The following BZW1 variants were observed in gnomAD, a reference collection of about 807,000 sequenced individuals.
BZW1 encodes basic leucine zipper and W2 domains 1, also known as eIF5-mimic protein 2.
BZW1 carries 3 observed loss-of-function variants against 54.1 expected under a neutral mutation model. The ratio of observed to expected loss-of-function variants is 0.06; its 90% CI spans 0.03 to 0.14. The LOEUF (loss-of-function observed/expected upper bound fraction) is 0.14. Among genes scored for constraint, BZW1 ranks in the 10% least tolerant of loss-of-function variants. The pLI, the probability that BZW1 is intolerant of heterozygous loss-of-function variation, is 1.00. For missense variants in BZW1, 206 were observed against 491.7 expected (o/e 0.42, Z 5.50); for synonymous variants, 152 against 162.7 (o/e 0.93, Z 0.50).
At chr2:200,815,276 G>A in intron 2 of BZW1, 65 bp from the exon 3 acceptor site, 2 of 1,450,950 alleles carry the variant, frequency 1.4e-6, no homozygotes, top group South Asian at 1.3e-5. Context: ...TTCATAAGGT[G>A]ATAGTTTTGT....
chr2:200,826,283 ATTAT>A lies in BZW1; in HGVS notation c.*4108_*4111del, dbSNP rs1325856832. ...GCAATTAACAGTCATTTCAAATCTA[ATTAT>A]TTTTATTTTCCAGTGTACTTATCAT... On this transcript the variant is annotated 3_prime_UTR_variant, in exon 12 of 12. Coordinates refer to ENST00000409600, the MANE Select transcript of BZW1 (RefSeq NM_001207067.2). 6.6e-6 allele frequency: 1 copy of A among 151,854 alleles called. No individual in the cohort carries two copies. Among genetic ancestry groups the A allele is most frequent in the African/African-American group, 2.4e-5 (1 of 41,322 alleles). The allele number at this position is 151,854 out of a possible 1,614,324, so 9.4% of individuals were successfully genotyped here. A position where few individuals can be genotyped will look rare whatever the true frequency, so the allele number is the denominator to read the frequency against.
chr2:200,818,731 T>TA, intron 8 of BZW1, 24 bp from the exon 9 acceptor site: 1 of 1,571,258 alleles, frequency 6.4e-7, no homozygotes, highest in Non-Finnish European at 8.6e-7. Flanking sequence ...TGACTTCTGT[T>TA]ACTAAATTTG....
intron 1 of BZW1, chr2:200,812,955 A>G (rs2038143436): frequency 1.5e-6 from 1 of 678,210 alleles, no homozygotes; most frequent in Non-Finnish European, 2.8e-6. Context: ...TCACTGTAGC[A>G]CTACAATGTC....
intron 10 of BZW1, among the ~76,000 whole-genome samples, 162 bp from the exon 11 acceptor site, chr2:200,821,021 G>A (rs1384413886): frequency 2.0e-5 from 3 of 152,248 alleles, no homozygotes; most frequent in Non-Finnish European, 4.4e-5. Context: ...CCCGTTGAGT[G>A]TAGTTGGTAT....
At position 200,827,187 on chromosome 2, in the gene BZW1, C is replaced by T. The variant is rs1331321001; in HGVS notation, c.*5009C>T. The T allele has an allele frequency of 1.3e-5, 2 of 152,170 alleles. No individual in the cohort carries two copies. The highest frequency in any genetic ancestry group is 2.4e-5 in the African/African-American group (1 of 41,436). The allele number at this position is 152,170 out of a possible 1,614,324, so 9.4% of individuals were successfully genotyped here. A position where few individuals can be genotyped will look rare whatever the true frequency, so the allele number is the denominator to read the frequency against. On this transcript the variant is annotated 3_prime_UTR_variant, in exon 12 of 12. Coordinates refer to ENST00000409600, the MANE Select transcript of BZW1 (RefSeq NM_001207067.2). Reference sequence around the variant, plus strand: ...ACTGGATAGCTGGTAACTCATTTAGCTCTTGGCACTCTAAAAAACCTCAAA... The same window carrying T: ...ACTGGATAGCTGGTAACTCATTTAGTTCTTGGCACTCTAAAAAACCTCAAA...
In BZW1 at chr2:200,822,141, T is replaced by C. The variant is rs748274494; in HGVS notation, c.1229-6T>C. On this transcript the variant is annotated splice_region_variant and splice_polypyrimidine_tract_variant and intron_variant, in intron 11 of 11. Coordinates refer to ENST00000409600, the MANE Select transcript of BZW1 (RefSeq NM_001207067.2). ...AATGTTTGACTGTTTTTTTCCCCTT[T>C]TCTAGAATCTGAATCTGAAGCTGAA... 371 of 1,605,122 alleles carry C rather than the reference T, an allele frequency of 2.3e-4. No individual in the cohort carries two copies. The highest frequency in any genetic ancestry group is 3.1e-4 in the Non-Finnish European group (365 of 1,174,972).
intron 5 of BZW1, 81 bp downstream of exon 5, chr2:200,816,471 T>C: frequency 9.5e-7 from 1 of 1,048,322 alleles, no homozygotes. Context: ...CCGCCACAGA[T>C]TTGGAGTAAT....
intron 1 of BZW1, chr2:200,812,877 G>T (rs987961905): frequency 1.5e-6 from 1 of 653,122 alleles, no homozygotes; most frequent in East Asian, 3.2e-5. Flanking sequence ...CTTAGTGGTC[G>T]TGGAAGATGT....
Position 200,813,247 on chromosome 2 carries a change from G to A in BZW1, c.30G>A (p.Thr10=), listed in dbSNP as rs1278569598. The change falls in exon 2 of 12, where the codon ACG becomes ACA. Residue 10 remains threonine (T), a synonymous_variant. Transcript: ENST00000409600. ...ATAATCAAAAGCAGCAAAAGCCAAC[G>A]CTATCAGGCCAGCGTTTTAAAACTA... is the stretch of plus-strand genomic sequence containing the variant. MNNQKQQKP[T]LSGQRFKTRK... is the part of the protein sequence containing the mutation. 1.9e-6 allele frequency: 3 copies of A among 1,613,584 alleles called. No individual in the cohort carries two copies. Among genetic ancestry groups the A allele is most frequent in the East Asian group, 2.2e-5 (1 of 44,860 alleles).
In BZW1 at chr2:200,820,108, CT is replaced by C; in HGVS notation, c.1099del (p.Tyr367IlefsTer6). On this transcript the variant is annotated frameshift_variant, in exon 10 of 12. Transcript: ENST00000409600. LOFTEE classifies it high-confidence loss of function. ...GAAAGCCTTCCAGAAAATAGTGGTG[CT>C]TTTTTATAAAGGTAATTTAGATTTT... ...FMKAFQKIVV[L>X]FYKAEVLSEE... is the part of the protein sequence containing the mutation. The C allele has an allele frequency of 6.5e-7, 1 of 1,542,612 alleles. No homozygotes were observed. Among genetic ancestry groups the C allele is most frequent in the Non-Finnish European group, 8.7e-7 (1 of 1,145,260 alleles).
chr2:200,825,749 C>T lies in BZW1; in HGVS notation c.*3571C>T, dbSNP rs1559318028. ...TTGTAGGCATAACACTGATAAACCT[C>T]TGCTCTCATACTGAAGTAGGCTGCT... On this transcript the variant is annotated 3_prime_UTR_variant, in exon 12 of 12. Coordinates refer to ENST00000409600, the MANE Select transcript of BZW1 (RefSeq NM_001207067.2). The T allele has an allele frequency of 6.6e-6, 1 of 152,244 alleles. No homozygotes were observed. The allele number at this position is 152,244 out of a possible 1,614,324, so 9.4% of individuals were successfully genotyped here. A position where few individuals can be genotyped will look rare whatever the true frequency, so the allele number is the denominator to read the frequency against.
chr2:200,816,250 A>G (rs1575051894), intron 4 of BZW1, 75 bp from the exon 5 acceptor site: 1 of 1,067,248 alleles, frequency 9.4e-7, no homozygotes, highest in Non-Finnish European at 1.4e-6. Context: ...ATAAACTTAC[A>G]TCGAGTGAAA....
chr2:200,812,704 G>C (rs1240428787), intron 1 of BZW1: 2 of 874,478 alleles, frequency 2.3e-6, no homozygotes, highest in Non-Finnish European at 3.7e-6. Flanking sequence ...GGTGCAAGGC[G>C]GCCGCTGTTG....
rs2038076963 is a variant in BZW1, at chr2:200,811,923, G to A, written c.-78G>A. On this transcript the variant is annotated 5_prime_UTR_variant, in exon 1 of 12. Coordinates refer to ENST00000409600, the MANE Select transcript of BZW1 (RefSeq NM_001207067.2). Reference sequence around the variant, plus strand: ...CCTCCTGGCGTTAGTTCCGGTCGCAGAGGAGACACCGCCGCAGTTGCCGGT... The same window carrying A: ...CCTCCTGGCGTTAGTTCCGGTCGCAAAGGAGACACCGCCGCAGTTGCCGGT... The A allele has an allele frequency of 4.1e-6, 1 of 244,314 alleles. No homozygotes were observed. Among genetic ancestry groups the A allele is most frequent in the Admixed American group, 5.6e-5 (1 of 17,824 alleles). The allele number at this position is 244,314 out of a possible 1,614,324, so 15.1% of individuals were successfully genotyped here. A position where few individuals can be genotyped will look rare whatever the true frequency, so the allele number is the denominator to read the frequency against.
intron 1 of BZW1, 144 bp from the exon 2 acceptor site, chr2:200,813,064 C>T: frequency 1.4e-6 from 1 of 706,526 alleles, no homozygotes; most frequent in Non-Finnish European, 2.6e-6. Context: ...ATTCTTTGTG[C>T]CTGTATCGGG....
intron 9 of BZW1, among the ~76,000 whole-genome samples, chr2:200,819,376 G>A (rs1256108625): frequency 6.6e-6 from 1 of 152,068 alleles, no homozygotes; most frequent in Non-Finnish European, 1.5e-5. Flanking sequence ...GTGACAGGGT[G>A]AGATCCTGCC....
chr2:200,817,327 T>TG (rs2038332176), intron 6 of BZW1, 86 bp downstream of exon 6: 9 of 1,476,774 alleles, frequency 6.1e-6, no homozygotes, highest in Non-Finnish European at 8.3e-6. Context: ...GTGACTTCTG[T>TG]GAAAGTCTTC....
intron 11 of BZW1, among the ~76,000 whole-genome samples, chr2:200,821,805 T>C (rs2038526179): frequency 6.6e-6 from 1 of 152,218 alleles, no homozygotes; most frequent in Non-Finnish European, 1.5e-5. Context: ...GTGTGGTGGC[T>C]CACGCCTGTA....
intron 6 of BZW1, 143 bp from the exon 7 acceptor site, chr2:200,817,831 G>A (rs1451434316): frequency 6.9e-6 from 4 of 580,648 alleles, no homozygotes; most frequent in Non-Finnish European, 1.2e-5. Context: ...GTGATAAACT[G>A]TGGCCCAGGA....
Sources: allele counts gnomAD v4.1 joint callset (sites outside exome capture counted in the v4.1 genomes callset), GRCh38; gene constraint gnomAD v4.1.1; transcripts MANE v1.5; gene names NCBI Gene and HGNC (gene_info 2026-07-23, HGNC 2026-07-21).